Variants in SGCD observed in about 807,000 individuals in gnomAD.
The protein encoded by SGCD is delta-sarcoglycan.
In SGCD, 18 loss-of-function variants were observed where a neutral mutation model predicts 36.6. The observed-to-expected ratio is 0.49, with a 90% CI of 0.34 to 0.73. The LOEUF is 0.73. Among genes scored for constraint, SGCD ranks in the 30% least tolerant of loss-of-function variants. SGCD has a pLI of 0.01. For synonymous variants in SGCD, 133 were observed against 130.6 expected (o/e 1.02, Z -0.12); for missense variants, 387 against 346.7 (o/e 1.12, Z -0.92).
chr5:156,151,087 T>C lies in SGCD; in HGVS notation c.-44+27068T>C, dbSNP rs566507325. ...TCATTCAGTAACACATTAATATAAA[T>C]CTAGATACATCAGGGGGAGCCAATG... On this transcript the variant is annotated intron_variant, in intron 3 of 9. Coordinates refer to the SGCD transcript ENST00000517913. 5.3e-5 allele frequency among the ~76,000 whole-genome samples: 8 copies of C among 151,812 alleles called. No homozygotes were observed. The East Asian group carries it at 1.5e-3, about 29-fold the overall frequency.
At chr5:156,497,170 A>ACTCTCTCTCT (rs10559912) in intron 3 of SGCD, among the ~76,000 whole-genome samples, 6 of 145,380 alleles carry the variant, frequency 4.1e-5, no homozygotes, top group African/African-American at 1.2e-4. Flanking sequence ...ACTCTCCTGC[A>ACTCTCTCTCT]CTCTCTCTCT....
Position 156,558,088 on chromosome 5 carries a change from A to AATATATATATATATATAT in SGCD, c.295-31124_295-31107dup, listed in dbSNP as rs67339181. Among the ~76,000 whole-genome samples, 227 of 95,510 alleles carry AATATATATATATATATAT rather than the reference A, an allele frequency of 2.4e-3. 4 individuals are homozygous for AATATATATATATATATAT. The highest frequency in any genetic ancestry group is 3.0e-3 in the African/African-American group (77 of 25,322). 62.7% of individuals were successfully genotyped at this position (95,510 alleles called of 152,430 possible). ...ACTGAGTGTGTTATTAGTAAATACA[A>AATATATATATATATATAT]ATATATATATATATATATATATATA... On this transcript the variant is annotated intron_variant, in intron 4 of 8. Coordinates refer to ENST00000337851, the MANE Select transcript of SGCD (RefSeq NM_000337.6).
intron 3 of SGCD, among the ~76,000 whole-genome samples, chr5:156,278,604 T>G (rs1283489912): frequency 1.3e-5 from 2 of 152,304 alleles, no homozygotes; most frequent in Admixed American, 1.3e-4. Flanking sequence ...TCACTGTGAT[T>G]TTAGTGAAGT....
At position 156,259,623 on chromosome 5, in the gene SGCD, G is replaced by A. The variant is rs555871177; in HGVS notation, c.-43-69911G>A. 1.2e-4 allele frequency among the ~76,000 whole-genome samples: 19 copies of A among 152,212 alleles called. No individual in the cohort carries two copies. The South Asian group carries it at 3.9e-3, about 32-fold the overall frequency. ...TAACTTTTGTTTCTAGAGTAAGAAA[G>A]GGATCTAGGTTTATTTTTTAATATC... is the stretch of plus-strand genomic sequence containing the variant. On this transcript the variant is annotated intron_variant, in intron 3 of 9. Coordinates refer to the SGCD transcript ENST00000517913.
chr5:156,061,228 A>G (rs1267038010), intron 1 of SGCD, among the ~76,000 whole-genome samples: 5 of 145,024 alleles, frequency 3.4e-5, no homozygotes, highest in Admixed American at 1.4e-4. Context: ...CAAACCATAC[A>G]TAGTATGTCC....
chr5:155,879,400 TACC>T (rs1261277398), intron 1 of SGCD, among the ~76,000 whole-genome samples: 5 of 152,168 alleles, frequency 3.3e-5, no homozygotes, highest in African/African-American at 1.2e-4. Context: ...TTGCTGGTCC[TACC>T]ACCCTCAGAG....
At chr5:156,303,642 T>A (rs755239341) in intron 3 of SGCD, among the ~76,000 whole-genome samples, 6 of 151,562 alleles carry the variant, frequency 4.0e-5, no homozygotes, top group Non-Finnish European at 7.4e-5. Flanking sequence ...CTGAGGTTCA[T>A]TCATGGCCCA....
chr5:156,687,462 ATT>A (rs1753943051), intron 7 of SGCD, among the ~76,000 whole-genome samples: 1 of 152,194 alleles, frequency 6.6e-6, no homozygotes, highest in African/African-American at 2.4e-5. Flanking sequence ...GAGGTGAGCT[ATT>A]TACTGAAGGC....
In SGCD at chr5:156,753,489, T is replaced by C. The variant is rs139773367; in HGVS notation, c.576-4092T>C. Among the ~76,000 whole-genome samples the C allele has an allele frequency of 6.8e-3, 1,035 of 152,330 alleles. 5 individuals are homozygous for C. Among genetic ancestry groups the C allele is most frequent in the Non-Finnish European group, 0.012 (788 of 68,012 alleles). ...TTGACGGACATCACTTCAGGAGTGA[T>C]GCTCTCTGCAGTTTCCACAGGGTTT... On this transcript the variant is annotated intron_variant, in intron 7 of 8. Coordinates refer to ENST00000337851, the MANE Select transcript of SGCD (RefSeq NM_000337.6).
chr5:155,800,402 T>G, the SGCD span, among the ~76,000 whole-genome samples: 1 of 152,180 alleles, frequency 6.6e-6, no homozygotes, highest in Non-Finnish European at 1.5e-5. Context: ...GATCCTAGAT[T>G]GTCTTTCTTT....
the SGCD span, among the ~76,000 whole-genome samples, chr5:155,774,429 T>G: frequency 1.3e-5 from 2 of 152,098 alleles, no homozygotes; most frequent in Non-Finnish European, 2.9e-5. Flanking sequence ...TCAGTGCAAA[T>G]TTAGTTACTT....
chr5:156,326,065 A>G (rs935259781), upstream of SGCD, among the ~76,000 whole-genome samples: 2 of 152,210 alleles, frequency 1.3e-5, no homozygotes, highest in Non-Finnish European at 2.9e-5. Flanking sequence ...AAAACAGAAA[A>G]AAGAAACAGT....
At chr5:155,874,373 G>T (rs979376781) in intron 1 of SGCD, among the ~76,000 whole-genome samples, 5 of 152,028 alleles carry the variant, frequency 3.3e-5, no homozygotes, top group Non-Finnish European at 1.5e-5. Flanking sequence ...TAGTAATTTT[G>T]ACTTTGTCAA....
intron 3 of SGCD, among the ~76,000 whole-genome samples, chr5:156,349,380 A>G (rs1316649320): frequency 6.6e-6 from 1 of 151,756 alleles, no homozygotes; most frequent in Admixed American, 6.6e-5. Flanking sequence ...TTCAGAATCG[A>G]TAAGGAACTC....
intron 3 of SGCD, among the ~76,000 whole-genome samples, chr5:156,479,078 A>G (rs975484155): frequency 1.3e-5 from 2 of 152,062 alleles, no homozygotes; most frequent in African/African-American, 4.8e-5. Context: ...AAAAAATATA[A>G]TTCAAGATTC....
the SGCD span, among the ~76,000 whole-genome samples, chr5:155,763,762 T>A: frequency 6.6e-6 from 1 of 152,130 alleles, no homozygotes; most frequent in African/African-American, 2.4e-5. Flanking sequence ...AAGAACACAA[T>A]GAATAGTATG....
chr5:155,812,359 G>T, the SGCD span, among the ~76,000 whole-genome samples: 1 of 152,142 alleles, frequency 6.6e-6, no homozygotes, highest in African/African-American at 2.4e-5. Flanking sequence ...TAGGCTCTCC[G>T]CAGAGGGAAG....
At chr5:156,649,380 T>C (rs1244687917) in intron 7 of SGCD, among the ~76,000 whole-genome samples, 1 of 152,180 alleles carries the variant, frequency 6.6e-6, no homozygotes, top group East Asian at 1.9e-4. Context: ...CAAAGGATTA[T>C]AAATCATGCT....
At chr5:156,519,455 A>G (rs1479142287) in intron 4 of SGCD, among the ~76,000 whole-genome samples, 1 of 152,216 alleles carries the variant, frequency 6.6e-6, no homozygotes, top group Non-Finnish European at 1.5e-5. Context: ...AGAAGCTGGT[A>G]CCATTTCTTT....
Sources: gnomAD v4.1 joint callset for allele counts (sites outside exome capture counted in the v4.1 genomes callset) on GRCh38, gnomAD v4.1.1 for gene constraint, MANE v1.5 for transcripts, NCBI Gene and HGNC (gene_info 2026-07-23, HGNC 2026-07-21) for gene names.